Variants in SEPTIN9 observed in about 807,000 individuals in gnomAD.
The protein encoded by SEPTIN9 is septin-9.
Under a neutral mutation model 56.6 loss-of-function variants are expected in SEPTIN9, and 13 were observed. That is an observed-to-expected ratio of 0.23 (90% CI 0.15 to 0.37). The LOEUF is 0.37. Among genes scored for constraint, SEPTIN9 ranks in the 10% least tolerant of loss-of-function variants. The probability of loss-of-function intolerance (pLI) is 1.00; values close to 1 mark genes in which losing one functional copy is unlikely to be tolerated. For synonymous variants in SEPTIN9, 332 were observed against 334.1 expected (o/e 0.99, Z 0.07); for missense variants, 650 against 823.1 (o/e 0.79, Z 2.57).
chr17:77,417,320 T>C (rs1430311514), intron 3 of SEPTIN9, among the ~76,000 whole-genome samples: 1 of 152,168 alleles, frequency 6.6e-6, no homozygotes, highest in Non-Finnish European at 1.5e-5. Flanking sequence ...GGGGAAGCTG[T>C]TGACGAGTTG....
intron 1 of SEPTIN9, among the ~76,000 whole-genome samples, chr17:77,291,325 C>T (rs559495433): frequency 4.7e-5 from 7 of 148,796 alleles, no homozygotes; most frequent in African/African-American, 9.9e-5. Context: ...GGAGCCACCG[C>T]GCCTGGCATG....
chr17:77,428,580 C>T (rs1005809687), intron 3 of SEPTIN9, among the ~76,000 whole-genome samples: 1 of 152,202 alleles, frequency 6.6e-6, no homozygotes, highest in Non-Finnish European at 1.5e-5. Context: ...AACTTAGTGA[C>T]CATTTGAAGT....
Position 77,371,709 on chromosome 17 carries a change from G to A in SEPTIN9, c.77-30350G>A, listed in dbSNP as rs910793168. 6.6e-5 allele frequency among the ~76,000 whole-genome samples: 10 copies of A among 152,160 alleles called. 1 individual carries two copies. The South Asian group carries it at 1.0e-3, about 16-fold the overall frequency. ...TGGAAGATACGGGGTGCTATTAATGGCAGCAATGGCTGCATTTCTGAAACC... is the reference window on the plus strand; with the variant it reads ...TGGAAGATACGGGGTGCTATTAATGACAGCAATGGCTGCATTTCTGAAACC... On this transcript the variant is annotated intron_variant, in intron 2 of 11. Transcript: ENST00000427177. The surrounding 1 kb of genome is among the most constrained non-coding windows in gnomAD (Gnocchi z 4.1).
rs2143702902 is a variant in SEPTIN9, at chr17:77,330,153, T to C, written c.76+22956T>C. Among the ~76,000 whole-genome samples, 1 of 152,366 alleles carries C rather than the reference T, an allele frequency of 6.6e-6. No individual in the cohort carries two copies. The highest frequency in any genetic ancestry group is 2.1e-4 in the South Asian group (1 of 4,830). On this transcript the variant is annotated intron_variant, in intron 2 of 11. Transcript: ENST00000427177. The surrounding 1 kb of genome is among the most constrained non-coding windows in gnomAD (Gnocchi z 4.4). Reference sequence around the variant, plus strand: ...CTTCGGGACAGACCCCTGTGATCGCTGGGTGTTCCTGATGCTCTGTCCCCT... The same window carrying C: ...CTTCGGGACAGACCCCTGTGATCGCCGGGTGTTCCTGATGCTCTGTCCCCT...
At position 77,376,215 on chromosome 17, in the gene SEPTIN9, A is replaced by G. The variant is rs117460700; in HGVS notation, c.77-25844A>G. 801 of 986,414 alleles carry G rather than the reference A, an allele frequency of 8.1e-4. 16 individuals carry two copies. The East Asian group carries it at 0.068, about 83-fold the overall frequency. The allele number at this position is 986,414 out of a possible 1,614,324, so 61.1% of individuals were successfully genotyped here. ...AGCTGGCTGGAGAGGGGGCTGGGGC[A>G]TAAGGAGGGGCCTGCCTGTGAAGAT... is the stretch of plus-strand genomic sequence containing the variant. On this transcript the variant is annotated intron_variant, in intron 2 of 11. Transcript: ENST00000427177.
intron 3 of SEPTIN9, among the ~76,000 whole-genome samples, chr17:77,412,537 G>C (rs1347462752): frequency 2.0e-5 from 3 of 152,128 alleles, no homozygotes; most frequent in Non-Finnish European, 2.9e-5. Context: ...AGGAGTTCGA[G>C]ACCAGCCTAG....
chr17:77,424,331 C>T (rs1451167422), intron 3 of SEPTIN9, among the ~76,000 whole-genome samples: 1 of 152,262 alleles, frequency 6.6e-6, no homozygotes, highest in African/African-American at 2.4e-5. Flanking sequence ...TGGTTTGCAG[C>T]GAGGCTCATG....
In SEPTIN9 at chr17:77,425,047, C is replaced by T. The variant is rs1041427064; in HGVS notation, c.721+22344C>T. 1.3e-5 allele frequency among the ~76,000 whole-genome samples: 2 copies of T among 152,212 alleles called. No individual in the cohort carries two copies. Among genetic ancestry groups the T allele is most frequent in the Admixed American group, 1.3e-4 (2 of 15,286 alleles). The stretch of plus-strand genomic sequence containing the variant: ...AAGTCGAGTGACCACATGTGGAAGT[C>T]TAGCGTCCTTCATGCAAAGTGGGCA... On this transcript the variant is annotated intron_variant, in intron 3 of 11. Transcript: ENST00000427177. The surrounding 1 kb of genome is among the most constrained non-coding windows in gnomAD (Gnocchi z 4.2).
At chr17:77,376,892 A>C (rs1314588081) in intron 2 of SEPTIN9, 1 of 152,192 alleles carries the variant, frequency 6.6e-6, no homozygotes, top group African/African-American at 2.4e-5. Flanking sequence ...TGTCCCCTTC[A>C]CCCAGGGCCT....
intron 1 of SEPTIN9, among the ~76,000 whole-genome samples, chr17:77,282,354 T>C (rs2031066143): frequency 6.6e-6 from 1 of 152,244 alleles, no homozygotes; most frequent in African/African-American, 2.4e-5. Context: ...CAGGATCCTT[T>C]GTCCTCCTCA....
intron 3 of SEPTIN9, chr17:77,454,036 G>A (rs2038087036): frequency 4.2e-6 from 4 of 955,672 alleles, no homozygotes; most frequent in South Asian, 4.9e-5. Context: ...TAGGGCTTCC[G>A]CCCTCTCTCC....
chr17:77,365,769 A>G (rs552068544), intron 2 of SEPTIN9, among the ~76,000 whole-genome samples: 1 of 152,254 alleles, frequency 6.6e-6, no homozygotes, highest in Admixed American at 6.5e-5. Context: ...TAGAACATGG[A>G]GCCGCGGTCC....
intron 3 of SEPTIN9, among the ~76,000 whole-genome samples, chr17:77,415,444 T>C (rs1487320719): frequency 6.6e-6 from 1 of 151,992 alleles, no homozygotes; most frequent in Non-Finnish European, 1.5e-5. Context: ...CCGTCTCTAC[T>C]AAAAATATAA....
chr17:77,481,978 A>G lies in SEPTIN9; in HGVS notation c.722-166A>G, dbSNP rs1206952081. On this transcript the variant is annotated intron_variant, in intron 3 of 11. Transcript: ENST00000427177. The stretch of plus-strand genomic sequence containing the variant: ...TTTTTAGAGGACACCACGGCCAGGG[A>G]CATCCACCCGGGGGAATTCTCAGGG... 9.3e-6 allele frequency: 6 copies of G among 644,146 alleles called. No individual in the cohort carries two copies. In the South Asian group the frequency reaches 1.2e-4, roughly 13 times the overall value. The allele number at this position is 644,146 out of a possible 1,614,324, so 39.9% of individuals were successfully genotyped here. A position where few individuals can be genotyped will look rare whatever the true frequency, so the allele number is the denominator to read the frequency against.
intron 3 of SEPTIN9, among the ~76,000 whole-genome samples, chr17:77,455,374 C>T (rs974632830): frequency 6.6e-6 from 1 of 152,204 alleles, no homozygotes; most frequent in African/African-American, 2.4e-5. Flanking sequence ...CTTCTCAGGC[C>T]TGTGCCCCCG....
intron 10 of SEPTIN9, 131 bp downstream of exon 10, chr17:77,493,207 A>AG (rs2040110933): frequency 1.4e-6 from 1 of 715,456 alleles, no homozygotes. Context: ...ACCCAGAGGG[A>AG]GGGGTCTCCT....
chr17:77,411,290 A>G (rs1342360940), intron 3 of SEPTIN9, among the ~76,000 whole-genome samples: 2 of 152,144 alleles, frequency 1.3e-5, no homozygotes, highest in Non-Finnish European at 2.9e-5. Context: ...GTAAATATAG[A>G]CTTTTCAAGA....
chr17:77,348,316 T>A (rs1364340836), intron 2 of SEPTIN9, among the ~76,000 whole-genome samples: 3 of 147,588 alleles, frequency 2.0e-5, no homozygotes, highest in Admixed American at 1.3e-4. Flanking sequence ...TTTTTTTTTT[T>A]AAGACAGAGT....
At chr17:77,457,638 G>T (rs949967593) in intron 3 of SEPTIN9, among the ~76,000 whole-genome samples, 2 of 152,234 alleles carry the variant, frequency 1.3e-5, no homozygotes, top group Admixed American at 6.5e-5. Context: ...CAGAACAGCC[G>T]ATAGTGGTGG....
Sources: allele counts gnomAD v4.1 joint callset (sites outside exome capture counted in the v4.1 genomes callset), GRCh38; gene constraint gnomAD v4.1.1; non-coding constraint Gnocchi (gnomAD v3.1); transcripts MANE v1.5; gene names NCBI Gene and HGNC (gene_info 2026-07-23, HGNC 2026-07-21).